Variants in COPS7B observed in about 807,000 individuals in gnomAD.
The protein encoded by COPS7B is COP9 signalosome subunit 7B, also known as COP9 signalosome complex subunit 7b.
A neutral mutation model predicts 33.4 loss-of-function variants in COPS7B; 9 were observed. The ratio of observed to expected loss-of-function variants is 0.27; its 90% CI spans 0.16 to 0.47. The LOEUF (loss-of-function observed/expected upper bound fraction) is 0.47, where lower values mean the gene tolerates loss of function less well. Among genes scored for constraint, COPS7B ranks in the 20% least tolerant of loss-of-function variants. The probability of loss-of-function intolerance (pLI) is 0.99; values close to 1 mark genes in which losing one functional copy is unlikely to be tolerated. For synonymous variants in COPS7B, 119 were observed against 126.3 expected, an observed-to-expected ratio of 0.94 and a Z score of 0.39; for missense variants, 242 against 318.2, an observed-to-expected ratio of 0.76 and a Z score of 1.82.
chr2:231,793,242 T>C (rs376469985), intron 3 of COPS7B, among the ~76,000 whole-genome samples: 4 of 152,308 alleles, frequency 2.6e-5, no homozygotes, highest in African/African-American at 9.6e-5. Flanking sequence ...AAAGGTAATA[T>C]GATGCGCATG....
chr2:231,782,037 G>A (rs2049142828), upstream of COPS7B: 2 of 668,582 alleles, frequency 3.0e-6, no homozygotes, highest in South Asian at 3.8e-5. Flanking sequence ...GGAGAGCTAT[G>A]GATTGTATAC....
chr2:231,785,119 T>A (rs552003111), upstream of COPS7B, among the ~76,000 whole-genome samples: 1 of 152,296 alleles, frequency 6.6e-6, no homozygotes, highest in South Asian at 2.1e-4. Flanking sequence ...CAACACAATC[T>A]CTTATCTAGA....
rs1198819658 is a variant in COPS7B, at chr2:231,808,600, C to T, written c.*955C>T. 3 of 463,426 alleles carry T rather than the reference C, an allele frequency of 6.5e-6. 1 individual carries two copies. Among genetic ancestry groups the T allele is most frequent in the South Asian group, 4.7e-5 (3 of 63,536 alleles). 28.7% of individuals were successfully genotyped at this position (463,426 alleles called of 1,614,324 possible). On this transcript the variant is annotated 3_prime_UTR_variant, in exon 7 of 7. Transcript: ENST00000350033. ...ATGACCCAGAGCCCTCTGATGATGGCATTCTCCTGGCAAGAGAAAAAGACT... is the reference window on the plus strand; with the variant it reads ...ATGACCCAGAGCCCTCTGATGATGGTATTCTCCTGGCAAGAGAAAAAGACT...
At chr2:231,799,617 T>C (rs1368981022) in intron 6 of COPS7B, among the ~76,000 whole-genome samples, 3 of 152,226 alleles carry the variant, frequency 2.0e-5, no homozygotes, top group Non-Finnish European at 4.4e-5. Context: ...CTTTGCGTTA[T>C]GGGCATTTGT....
intron 6 of COPS7B, among the ~76,000 whole-genome samples, chr2:231,802,761 C>G (rs2049784529): frequency 6.6e-6 from 1 of 152,240 alleles, no homozygotes; most frequent in South Asian, 2.1e-4. Context: ...TTACAACTGC[C>G]CAGCTACTGG....
Position 231,801,312 on chromosome 2 carries a change from T to G in COPS7B, c.636+2348T>G, listed in dbSNP as rs919214011. ...AGGCTTTTGTGGAAATAACCCATAT[T>G]AGTTCCTAGTTCCAGCATACCTGGG... On this transcript the variant is annotated intron_variant, in intron 6 of 6. Transcript: ENST00000350033. 21 of 1,511,096 alleles carry G rather than the reference T, an allele frequency of 1.4e-5. 1 individual carries two copies. In the Admixed American group the frequency reaches 3.9e-4, roughly 28 times the overall value. The allele number at this position is 1,511,096 out of a possible 1,614,324, so 93.6% of individuals were successfully genotyped here. A position where few individuals can be genotyped will look rare whatever the true frequency, so the allele number is the denominator to read the frequency against.
Position 231,796,199 on chromosome 2 carries a change from A to C in COPS7B, c.421A>C (p.Ile141Leu). The change falls in exon 5 of 7, where the codon ATC becomes CTC. Residue 141 changes from isoleucine to leucine, a missense_variant. Physicochemically the swap from Ile to Leu is conservative, Grantham distance 5. Coordinates refer to ENST00000350033, the MANE Select transcript of COPS7B (RefSeq NM_022730.4). The stretch of plus-strand genomic sequence containing the variant: ...CATTGAGGCTGTCTACACTGACATC[A>C]TCCAGGGCAAGCTGGACCAGCGAAA... ...LIIEAVYTDI[I>L]QGKLDQRNQL... is the part of the protein sequence containing the mutation. The C allele has an allele frequency of 2.5e-6, 4 of 1,614,210 alleles. No individual in the cohort carries two copies. Among genetic ancestry groups the C allele is most frequent in the Non-Finnish European group, 3.4e-6 (4 of 1,180,034 alleles).
chr2:231,791,409 T>C (rs1200815603), intron 2 of COPS7B, among the ~76,000 whole-genome samples: 1 of 152,236 alleles, frequency 6.6e-6, no homozygotes, highest in Admixed American at 6.5e-5. Flanking sequence ...TTTGTTTTAA[T>C]GCAAACAGAA....
chr2:231,783,464 G>A (rs893058707), upstream of COPS7B, among the ~76,000 whole-genome samples: 2 of 152,132 alleles, frequency 1.3e-5, no homozygotes, highest in African/African-American at 2.4e-5. Flanking sequence ...AATTGTAGCC[G>A]TTCTGGCTGA....
chr2:231,796,733 T>G (rs1023744274), intron 5 of COPS7B, among the ~76,000 whole-genome samples: 4 of 152,224 alleles, frequency 2.6e-5, no homozygotes, highest in African/African-American at 9.6e-5. Context: ...GAAGTTAACA[T>G]GTTTATAAGA....
In COPS7B at chr2:231,808,126, A is replaced by G. The variant is rs1204605305; in HGVS notation, c.*481A>G. ...TGCAGTGATTTCTAGCCAGGCGTCA[A>G]GATGCGCTGCTTTCCCTCTCCTGCC... On this transcript the variant is annotated 3_prime_UTR_variant, in exon 7 of 7. Transcript: ENST00000350033. The G allele has an allele frequency of 1.6e-5, 4 of 249,344 alleles. No homozygotes were observed. The highest frequency in any genetic ancestry group is 3.2e-5 in the Non-Finnish European group (4 of 126,204). The allele number at this position is 249,344 out of a possible 1,614,324, so 15.4% of individuals were successfully genotyped here.
chr2:231,788,444 C>G (rs926168863), intron 1 of COPS7B, 111 bp from the exon 2 acceptor site: 1 of 1,056,884 alleles, frequency 9.5e-7, no homozygotes. Context: ...CCTGTTTTTT[C>G]TTTATCAACA....
chr2:231,790,551 G>GAAT (rs1309118962), intron 2 of COPS7B: 1 of 152,134 alleles, frequency 6.6e-6, no homozygotes, highest in East Asian at 1.9e-4. Context: ...TGTGAGCTGA[G>GAAT]AATAAGCTGG....
chr2:231,801,581 A>G (rs2049746011), intron 6 of COPS7B, among the ~76,000 whole-genome samples: 1 of 151,190 alleles, frequency 6.6e-6, no homozygotes, highest in Non-Finnish European at 1.5e-5. Flanking sequence ...TGCTAGGACT[A>G]TAGGACTACA....
intron 3 of COPS7B, chr2:231,792,068 G>C: frequency 1.6e-6 from 1 of 636,680 alleles, no homozygotes; most frequent in South Asian, 1.5e-5. Flanking sequence ...GATTCTTGAG[G>C]ACTGGTGTTT....
chr2:231,800,276 A>G (rs138488422), intron 6 of COPS7B, among the ~76,000 whole-genome samples: 4 of 152,354 alleles, frequency 2.6e-5, no homozygotes, highest in South Asian at 2.1e-4. Context: ...CATTAGTCCA[A>G]AGCAAAGACA....
At chr2:231,795,341 G>T (rs1013027090) in intron 4 of COPS7B, among the ~76,000 whole-genome samples, 1 of 152,182 alleles carries the variant, frequency 6.6e-6, no homozygotes, top group Non-Finnish European at 1.5e-5. Context: ...GGGATTACAG[G>T]TGTGAGCCAC....
rs572410994 is a variant in COPS7B, at chr2:231,797,115, C to T, written c.530+807C>T. Among the ~76,000 whole-genome samples, 6 of 152,280 alleles carry T rather than the reference C, an allele frequency of 3.9e-5. No individual in the cohort carries two copies. In the South Asian group the frequency reaches 1.0e-3, roughly 26 times the overall value. On this transcript the variant is annotated intron_variant, in intron 5 of 6. Transcript: ENST00000350033. ...AGGAGAGTGTGTTCCCAGGCAGGCACGTGGCATGTTGGAAGCCATGAAGCA... is the reference window on the plus strand; with the variant it reads ...AGGAGAGTGTGTTCCCAGGCAGGCATGTGGCATGTTGGAAGCCATGAAGCA...
intron 6 of COPS7B, among the ~76,000 whole-genome samples, chr2:231,802,946 C>G (rs62198575): frequency 0.18 from 27,613 of 152,246 alleles, 2,839 homozygotes; most frequent in Non-Finnish European, 0.23. Flanking sequence ...CAGGCCAGGC[C>G]TTTGTGGAGG....
Sources: allele counts gnomAD v4.1 joint callset (sites outside exome capture counted in the v4.1 genomes callset), GRCh38; gene constraint gnomAD v4.1.1; transcripts MANE v1.5; gene names NCBI Gene and HGNC (gene_info 2026-07-23, HGNC 2026-07-21).